Variants in QTGAL observed in about 807,000 individuals in gnomAD.
The protein encoded by QTGAL is BGnT-like protein 1.
chr17:83,017,279 A>T, the QTGAL span, among the ~76,000 whole-genome samples: 1 of 152,214 alleles, frequency 6.6e-6, no homozygotes, highest in Non-Finnish European at 1.5e-5. Flanking sequence ...CGATAGCACA[A>T]TAGGGTGACT....
At chr17:83,028,490 A>G in the QTGAL span, among the ~76,000 whole-genome samples, 129 of 144,550 alleles carry the variant, frequency 8.9e-4, no homozygotes, top group African/African-American at 3.3e-3. Flanking sequence ...GCGCCACTGC[A>G]CTCCAGCCTG....
the QTGAL span, among the ~76,000 whole-genome samples, chr17:82,990,731 C>T: frequency 6.6e-6 from 1 of 152,172 alleles, no homozygotes; most frequent in East Asian, 1.9e-4. Context: ...CTGGTTGAAG[C>T]CCTAACCCCC....
the QTGAL span, among the ~76,000 whole-genome samples, chr17:82,965,058 G>A: frequency 2.1e-4 from 29 of 141,168 alleles, no homozygotes; most frequent in East Asian, 2.4e-3. Flanking sequence ...GGACATGGAC[G>A]CCTGCAGGTG....
At chr17:82,974,424 T>C in the QTGAL span, among the ~76,000 whole-genome samples, 1 of 152,120 alleles carries the variant, frequency 6.6e-6, no homozygotes, top group South Asian at 2.1e-4. Context: ...ACAGCTGCCC[T>C]CAGGAGCTGC....
the QTGAL span, among the ~76,000 whole-genome samples, chr17:83,034,141 T>C: frequency 1.3e-3 from 196 of 152,186 alleles, 1 homozygote; most frequent in African/African-American, 4.2e-3. Flanking sequence ...GGTTTTGCCA[T>C]GTTGGCCGGG....
the QTGAL span, among the ~76,000 whole-genome samples, chr17:82,951,910 G>GT: frequency 5.3e-4 from 81 of 152,012 alleles, no homozygotes; most frequent in East Asian, 0.014. Context: ...TGACACCACA[G>GT]GTCACCGTAA....
chr17:82,966,192 T>C, the QTGAL span, among the ~76,000 whole-genome samples: 9 of 150,926 alleles, frequency 6.0e-5, no homozygotes, highest in East Asian at 2.0e-4. Flanking sequence ...GCTAGGACTA[T>C]AGGCGCACAC....
chr17:83,016,973 C>T, the QTGAL span, among the ~76,000 whole-genome samples: 1 of 152,226 alleles, frequency 6.6e-6, no homozygotes, highest in Admixed American at 6.5e-5. Flanking sequence ...CAAGCCCAGG[C>T]TAAATGTCCT....
chr17:82,993,712 C>T, the QTGAL span, among the ~76,000 whole-genome samples: 1 of 151,776 alleles, frequency 6.6e-6, no homozygotes, highest in African/African-American at 2.4e-5. Context: ...GGATCATCCT[C>T]AAGGACAGAT....
chr17:82,964,255 C>CAA, the QTGAL span, among the ~76,000 whole-genome samples: 15,709 of 71,818 alleles, frequency 0.22, 2,456 homozygotes, highest in Admixed American at 0.25. Context: ...GACCCTGTCT[C>CAA]AAAAAAAAAA....
At chr17:82,953,804 A>T in the QTGAL span, among the ~76,000 whole-genome samples, 1 of 152,216 alleles carries the variant, frequency 6.6e-6, no homozygotes, top group Non-Finnish European at 1.5e-5. Flanking sequence ...ATCCACCATG[A>T]TCAAGTCAGC....
At chr17:83,044,781 T>C in the QTGAL span, among the ~76,000 whole-genome samples, 3 of 152,114 alleles carry the variant, frequency 2.0e-5, no homozygotes, top group African/African-American at 7.2e-5. Flanking sequence ...CCGTCTCTAC[T>C]AGAAATACAA....
At chr17:82,988,730 C>T in the QTGAL span, among the ~76,000 whole-genome samples, 2 of 152,184 alleles carry the variant, frequency 1.3e-5, no homozygotes, top group African/African-American at 2.4e-5. Flanking sequence ...GACATTTAGG[C>T]AGCAACAAAC....
chr17:82,962,377 C>T, the QTGAL span, among the ~76,000 whole-genome samples: 1 of 152,228 alleles, frequency 6.6e-6, no homozygotes, highest in Admixed American at 6.5e-5. Context: ...CATGTGTCAG[C>T]CCTGCTAAAA....
chr17:82,970,260 A>G, the QTGAL span, among the ~76,000 whole-genome samples: 1 of 152,292 alleles, frequency 6.6e-6, no homozygotes, highest in East Asian at 1.9e-4. Context: ...TGAATACCCC[A>G]CGGGCCCCGA....
chr17:83,002,470 C>G, the QTGAL span, among the ~76,000 whole-genome samples: 1 of 152,228 alleles, frequency 6.6e-6, no homozygotes, highest in Non-Finnish European at 1.5e-5. Context: ...AAAAGCACAG[C>G]AACTCACTCA....
the QTGAL span, chr17:82,949,450 G>T: frequency 6.6e-6 from 1 of 152,170 alleles, no homozygotes; most frequent in African/African-American, 2.4e-5. Context: ...AGCTAACGGT[G>T]GAGGAAGGCA....
chr17:83,027,150 AG>A, the QTGAL span, among the ~76,000 whole-genome samples: 1 of 146,790 alleles, frequency 6.8e-6, no homozygotes, highest in Admixed American at 6.8e-5. Flanking sequence ...AGACACACGG[AG>A]GGGGGCAGGG....
the QTGAL span, chr17:82,956,834 A>G: frequency 1.3e-6 from 2 of 1,521,070 alleles, no homozygotes; most frequent in Non-Finnish European, 1.8e-6. The surrounding 1 kb of genome is among the most constrained non-coding windows in gnomAD (Gnocchi z 5.7). Context: ...AGACGCCCTC[A>G]GGGTGCACGC....
Sources: allele counts gnomAD v4.1 joint callset (sites outside exome capture counted in the v4.1 genomes callset), GRCh38; gene constraint gnomAD v4.1.1; non-coding constraint Gnocchi (gnomAD v3.1); transcripts MANE v1.5; gene names NCBI Gene and HGNC (gene_info 2026-07-23, HGNC 2026-07-21).